The following BBS9 variants were observed in gnomAD, a reference collection of about 807,000 sequenced individuals.
BBS9 encodes Bardet-Biedl syndrome 9.
BBS9 carries 89 observed loss-of-function variants against 117.7 expected under a neutral mutation model. The observed-to-expected ratio is 0.76, with a 90% CI of 0.64 to 0.90. The LOEUF is 0.90. Ranked by LOEUF, BBS9 falls within the 40% of genes least tolerant of loss-of-function variation. The pLI is 0.00. For missense variants in BBS9, 982 were observed against 1,042.2 expected (o/e 0.94, Z 0.80); for synonymous variants, 379 against 370.9 (o/e 1.02, Z -0.25).
chr7:33,233,516 T>C (rs1792883905), intron 5 of BBS9, among the ~76,000 whole-genome samples: 1 of 152,180 alleles, frequency 6.6e-6, no homozygotes, highest in Non-Finnish European at 1.5e-5. Context: ...GAACTTTCTA[T>C]AAGGAGGAAG....
chr7:33,528,802 TATC>T (rs1850094830), intron 20 of BBS9, among the ~76,000 whole-genome samples: 2 of 152,220 alleles, frequency 1.3e-5, no homozygotes, highest in South Asian at 4.1e-4. Context: ...TCGGGACAGC[TATC>T]ATCAACTCAA....
intron 19 of BBS9, among the ~76,000 whole-genome samples, chr7:33,411,298 A>G (rs2128822301): frequency 6.6e-6 from 1 of 152,276 alleles, no homozygotes; most frequent in African/African-American, 2.4e-5. Context: ...GATTGTATCA[A>G]GTTCAGTCAT....
chr7:33,486,812 AAGGGGAATTCTC>A (rs1436746921), intron 19 of BBS9, among the ~76,000 whole-genome samples: 1 of 152,174 alleles, frequency 6.6e-6, no homozygotes, highest in Non-Finnish European at 1.5e-5. Flanking sequence ...TTCAGGTGAA[AAGGGGAATTCTC>A]AGGGGAAGTC....
At chr7:33,464,910 T>C (rs1221486459) in intron 19 of BBS9, among the ~76,000 whole-genome samples, 1 of 152,006 alleles carries the variant, frequency 6.6e-6, no homozygotes, top group Non-Finnish European at 1.5e-5. Flanking sequence ...ACTGCAGCCT[T>C]GATATCCTGG....
rs181754332 is a variant in BBS9 at position 33,514,425 on chromosome 7, A to G, written c.2298+8780A>G. On this transcript the variant is annotated intron_variant, in intron 20 of 22. Coordinates refer to ENST00000242067, the MANE Select transcript of BBS9 (RefSeq NM_198428.3). ...CTCATCAAGGGGTGACTGGAGTTTG[A>G]TGGAAAACATAGTCTGTACAGAGTG... Among the ~76,000 whole-genome samples the G allele has an allele frequency of 2.4e-3, 367 of 152,280 alleles. 2 individuals are homozygous for G. Among genetic ancestry groups the G allele is most frequent in the Non-Finnish European group, 3.8e-3 (257 of 68,022 alleles).
intron 19 of BBS9, among the ~76,000 whole-genome samples, chr7:33,453,354 A>G (rs1006256324): frequency 6.6e-6 from 1 of 152,074 alleles, no homozygotes; most frequent in African/African-American, 2.4e-5. Flanking sequence ...CTTGAACTAC[A>G]CAGATCCACT....
At chr7:33,485,106 A>G (rs1842925710) in intron 19 of BBS9, among the ~76,000 whole-genome samples, 1 of 152,086 alleles carries the variant, frequency 6.6e-6, no homozygotes, top group Non-Finnish European at 1.5e-5. Flanking sequence ...GAACACATGG[A>G]CACATTGTTG....
intron 21 of BBS9, among the ~76,000 whole-genome samples, chr7:33,591,385 G>T (rs1020537963): frequency 5.3e-5 from 8 of 151,924 alleles, no homozygotes; most frequent in Non-Finnish European, 8.8e-5. Context: ...TTTTTAAAAG[G>T]ATCCTTAAAA....
chr7:33,197,015 A>C (rs1046218163), intron 5 of BBS9, among the ~76,000 whole-genome samples: 1 of 152,122 alleles, frequency 6.6e-6, no homozygotes, highest in Non-Finnish European at 1.5e-5. Context: ...CCCGTTATAC[A>C]TACACTATCA....
chr7:33,248,455 T>G (rs758715902), intron 5 of BBS9, among the ~76,000 whole-genome samples: 3 of 152,186 alleles, frequency 2.0e-5, no homozygotes, highest in Non-Finnish European at 4.4e-5. Flanking sequence ...TATTAGTTAC[T>G]AAGCATAGCC....
intron 5 of BBS9, among the ~76,000 whole-genome samples, chr7:33,190,616 C>T (rs935661240): frequency 3.3e-5 from 5 of 152,144 alleles, no homozygotes; most frequent in African/African-American, 7.2e-5. Context: ...CTGGGATAGG[C>T]TATTTCCTTC....
intron 21 of BBS9, among the ~76,000 whole-genome samples, chr7:33,619,969 C>T (rs1042203325): frequency 2.0e-5 from 3 of 151,808 alleles, no homozygotes; most frequent in Admixed American, 6.6e-5. Flanking sequence ...AAACTAAGAC[C>T]AAAGTCAGCA....
intron 20 of BBS9, among the ~76,000 whole-genome samples, chr7:33,520,402 A>G (rs946458218): frequency 1.3e-5 from 2 of 152,160 alleles, no homozygotes; most frequent in African/African-American, 4.8e-5. Flanking sequence ...CTTTAGAGAG[A>G]ACTCTCACAA....
intron 5 of BBS9, among the ~76,000 whole-genome samples, chr7:33,238,426 G>A (rs1583812352): frequency 6.6e-6 from 1 of 152,090 alleles, no homozygotes; most frequent in Non-Finnish European, 1.5e-5. Flanking sequence ...GAGTAGCTGG[G>A]ATTATAGGCA....
chr7:33,624,398 G>A (rs1421192492), intron 21 of BBS9, among the ~76,000 whole-genome samples: 1 of 152,150 alleles, frequency 6.6e-6, no homozygotes, highest in African/African-American at 2.4e-5. Flanking sequence ...CTAGTGGGCA[G>A]AAAATTTTGC....
intron 21 of BBS9, among the ~76,000 whole-genome samples, chr7:33,627,528 A>G (rs895310931): frequency 3.3e-5 from 5 of 152,198 alleles, no homozygotes; most frequent in African/African-American, 1.2e-4. Context: ...ATCCACTGAC[A>G]GCTTGTACCA....
intron 5 of BBS9, among the ~76,000 whole-genome samples, chr7:33,239,513 G>A (rs558982253): frequency 1.2e-4 from 19 of 152,012 alleles, no homozygotes; most frequent in African/African-American, 4.3e-4. Context: ...TGGTTCAAGC[G>A]ATTCTCCTGC....
chr7:33,490,211 A>G (rs528250945), intron 19 of BBS9, among the ~76,000 whole-genome samples: 13 of 152,346 alleles, frequency 8.5e-5, no homozygotes, highest in African/African-American at 2.6e-4. Context: ...CCCCTTATCC[A>G]TTCAAATCCA....
chr7:33,574,704 C>CATACAT (rs1377412228), intron 21 of BBS9, among the ~76,000 whole-genome samples: 3 of 141,414 alleles, frequency 2.1e-5, no homozygotes, highest in African/African-American at 7.9e-5. Context: ...CACACACACA[C>CATACAT]ACACACACAC....
Sources: allele counts gnomAD v4.1 joint callset (sites outside exome capture counted in the v4.1 genomes callset), GRCh38; gene constraint gnomAD v4.1.1; transcripts MANE v1.5; gene names NCBI Gene and HGNC (gene_info 2026-07-23, HGNC 2026-07-21).